The following CDH12 variants were observed in gnomAD, a reference collection of about 807,000 sequenced individuals.
CDH12 encodes cadherin-12.
A neutral mutation model predicts 74.1 loss-of-function variants in CDH12; 41 were observed. The observed-to-expected ratio is 0.55, with a 90% CI of 0.43 to 0.72. CDH12 has a LOEUF of 0.72. Among genes scored for constraint, CDH12 ranks in the 30% least tolerant of loss-of-function variants. CDH12 has a pLI of 0.00. For missense variants in CDH12, 945 were observed against 977.2 expected, an observed-to-expected ratio of 0.97 and a Z score of 0.44; for synonymous variants, 399 against 355.0, an observed-to-expected ratio of 1.12 and a Z score of -1.39.
At chr5:22,730,461 C>T (rs1744377069) in intron 1 of CDH12, among the ~76,000 whole-genome samples, 1 of 151,748 alleles carries the variant, frequency 6.6e-6, no homozygotes. Context: ...TAATCTGAGT[C>T]CTAGAGCTAC....
intron 1 of CDH12, among the ~76,000 whole-genome samples, chr5:22,715,462 T>C (rs1034006146): frequency 6.6e-6 from 1 of 152,156 alleles, no homozygotes. Flanking sequence ...TACCAAATAC[T>C]GTGATTGATG....
At chr5:22,529,088 CA>C (rs1737429811) in intron 1 of CDH12, among the ~76,000 whole-genome samples, 2 of 106,228 alleles carry the variant, frequency 1.9e-5, no homozygotes, top group Non-Finnish European at 3.9e-5. Context: ...TATATGCATG[CA>C]AAACATGAAT....
In CDH12 at chr5:21,755,819, G is replaced by A. The variant is rs1186005652; in HGVS notation, c.1657C>T (p.Arg553Ter). ...TGCCTGCGGCTGTATCCATTTCTTC[G>A]GGTTTCAATCCCCGCTGTGTTGTCT... The part of the protein sequence containing the change: ...FRNNTAGIET[R>*]RNGYSRRQQE... Residue 553 changes from arginine (R) to a stop codon, truncating the protein, a stop_gained, in exon 14 of 15, where the codon CGA becomes TGA. Coordinates refer to ENST00000382254, the MANE Select transcript of CDH12 (RefSeq NM_004061.5). LOFTEE classifies it high-confidence loss of function. The A allele has an allele frequency of 3.1e-6, 5 of 1,613,808 alleles. No homozygotes were observed. Among genetic ancestry groups the A allele is most frequent in the African/African-American group, 1.3e-5 (1 of 74,888 alleles).
intron 1 of CDH12, chr5:22,638,944 T>A (rs1031264850): frequency 6.7e-6 from 1 of 149,776 alleles, no homozygotes; most frequent in Non-Finnish European, 1.5e-5. Context: ...CCAGCTACTC[T>A]GGAGGCTGAG....
chr5:22,851,386 G>A (rs1364302986), intron 1 of CDH12, among the ~76,000 whole-genome samples: 3 of 152,126 alleles, frequency 2.0e-5, no homozygotes, highest in African/African-American at 4.8e-5. Context: ...ACAGCAAGCA[G>A]AGATTAACTG....
intron 4 of CDH12, among the ~76,000 whole-genome samples, chr5:22,116,969 T>A (rs1745156839): frequency 6.6e-6 from 1 of 151,726 alleles, no homozygotes. Context: ...CCCTCTTTTT[T>A]CTTTTTTCCT....
intron 5 of CDH12, among the ~76,000 whole-genome samples, chr5:21,999,758 T>G (rs1207041517): frequency 6.6e-6 from 1 of 151,266 alleles, no homozygotes; most frequent in Non-Finnish European, 1.5e-5. Flanking sequence ...GAAGTTTTAT[T>G]TTTTAGAATT....
intron 3 of CDH12, among the ~76,000 whole-genome samples, chr5:22,233,575 A>T (rs1460309938): frequency 8.5e-5 from 13 of 152,180 alleles, no homozygotes; most frequent in Admixed American, 7.9e-4. Flanking sequence ...TATAAAAATA[A>T]AACAATATTA....
Position 22,448,173 on chromosome 5 carries a change from T to A in CDH12, c.-427-42822A>T, listed in dbSNP as rs914233134. The stretch of plus-strand genomic sequence containing the variant: ...ACCCTGTGTCAAAAAAAAAAAAAAA[T>A]TATATGTGTGTGTGTATGTATTAAA... On this transcript the variant is annotated intron_variant, in intron 2 of 14. Transcript: ENST00000382254. 2.0e-5 allele frequency among the ~76,000 whole-genome samples: 3 copies of A among 149,868 alleles called. 1 individual carries two copies. The South Asian group carries it at 6.3e-4, about 31-fold the overall frequency.
intron 3 of CDH12, among the ~76,000 whole-genome samples, chr5:22,233,399 G>A (rs1040673148): frequency 6.6e-6 from 1 of 151,848 alleles, no homozygotes; most frequent in Admixed American, 6.6e-5. Flanking sequence ...ATGGAGGATG[G>A]CTAAAAGGAA....
chr5:22,406,653 A>G (rs535013703), intron 2 of CDH12, among the ~76,000 whole-genome samples: 7 of 152,308 alleles, frequency 4.6e-5, no homozygotes, highest in African/African-American at 1.4e-4. Context: ...ATCCAAATTA[A>G]CATATTTAGA....
intron 4 of CDH12, among the ~76,000 whole-genome samples, chr5:22,135,047 C>A (rs1746376578): frequency 6.6e-6 from 1 of 151,762 alleles, no homozygotes; most frequent in African/African-American, 2.4e-5. Flanking sequence ...GAGAGTGAAC[C>A]AGTGTAAGAG....
chr5:21,871,501 G>A (rs1751617373), intron 6 of CDH12, among the ~76,000 whole-genome samples: 1 of 152,152 alleles, frequency 6.6e-6, no homozygotes, highest in Non-Finnish European at 1.5e-5. Context: ...TGGAGGCCGA[G>A]GCGGGTGGAT....
At position 22,612,095 on chromosome 5, in the gene CDH12, C is replaced by A. The variant is rs1580815574; in HGVS notation, c.-522-106731G>T. Among the ~76,000 whole-genome samples the A allele has an allele frequency of 2.0e-5, 3 of 152,182 alleles. No homozygotes were observed. The South Asian group carries it at 6.2e-4, about 32-fold the overall frequency. On this transcript the variant is annotated intron_variant, in intron 1 of 14. Transcript: ENST00000382254. ...TTGGCCCTTACTTATTGGTTATATGCCTCACTCATGGTCTAAAGACTTGCT... is the reference window on the plus strand; with the variant it reads ...TTGGCCCTTACTTATTGGTTATATGACTCACTCATGGTCTAAAGACTTGCT...
chr5:22,729,121 A>AAT (rs1371491247), intron 1 of CDH12, among the ~76,000 whole-genome samples: 2 of 151,800 alleles, frequency 1.3e-5, no homozygotes, highest in East Asian at 1.9e-4. Flanking sequence ...TCAGAATAAC[A>AAT]ATATATATAT....
Position 21,855,673 on chromosome 5 carries a change from C to T in CDH12, c.527-883G>A, listed in dbSNP as rs187650520. Among the ~76,000 whole-genome samples, 594 of 151,536 alleles carry T rather than the reference C, an allele frequency of 3.9e-3. 4 individuals carry two copies. The highest frequency in any genetic ancestry group is 0.014 in the African/African-American group (576 of 41,412). On this transcript the variant is annotated intron_variant, in intron 6 of 14. Coordinates refer to ENST00000382254, the MANE Select transcript of CDH12 (RefSeq NM_004061.5). ...ATATATATGTGTATATACACACATA[C>T]ACGTGTACATCCAAAGTTATGCAGT...
intron 6 of CDH12, among the ~76,000 whole-genome samples, chr5:21,896,418 T>C (rs1753125405): frequency 6.6e-6 from 1 of 152,222 alleles, no homozygotes; most frequent in Non-Finnish European, 1.5e-5. Context: ...CTTTTCATTA[T>C]ATGTAAACTA....
chr5:21,943,881 A>C (rs2150093033), intron 6 of CDH12, among the ~76,000 whole-genome samples: 1 of 152,328 alleles, frequency 6.6e-6, no homozygotes, highest in South Asian at 2.1e-4. Context: ...CCAAAGAATT[A>C]GCCAAGTGAT....
At chr5:21,936,106 C>A (rs1755061832) in intron 6 of CDH12, among the ~76,000 whole-genome samples, 1 of 152,052 alleles carries the variant, frequency 6.6e-6, no homozygotes, top group Non-Finnish European at 1.5e-5. Context: ...TGGTTATATA[C>A]CCAGGAGTGG....
Sources: allele counts gnomAD v4.1 joint callset (sites outside exome capture counted in the v4.1 genomes callset), GRCh38; gene constraint gnomAD v4.1.1; transcripts MANE v1.5; gene names NCBI Gene and HGNC (gene_info 2026-07-23, HGNC 2026-07-21).